Variants in DLG2 observed in about 807,000 individuals in gnomAD.
The protein encoded by DLG2 is discs large MAGUK scaffold protein 2.
A neutral mutation model predicts 132.5 loss-of-function variants in DLG2; 45 were observed. The observed-to-expected ratio is 0.34, with a 90% CI of 0.27 to 0.44. The LOEUF (loss-of-function observed/expected upper bound fraction) is 0.44. Ranked by LOEUF, DLG2 falls within the 20% of genes least tolerant of loss-of-function variation. The pLI is 1.00. For missense variants in DLG2, 1,045 were observed against 1,196.9 expected (o/e 0.87, Z 1.87); for synonymous variants, 424 against 419.6 (o/e 1.01, Z -0.13).
At chr11:85,247,556 G>T (rs2152689229) in intron 4 of DLG2, among the ~76,000 whole-genome samples, 1 of 151,654 alleles carries the variant, frequency 6.6e-6, no homozygotes, top group South Asian at 2.1e-4. Flanking sequence ...CTTGTTATTA[G>T]TAATTGAATA....
chr11:84,372,557 T>C (rs2098710695), intron 7 of DLG2, among the ~76,000 whole-genome samples: 1 of 152,222 alleles, frequency 6.6e-6, no homozygotes, highest in Non-Finnish European at 1.5e-5. Context: ...AATTTGTGGT[T>C]GCTTAGAAAC....
chr11:84,665,935 A>G (rs946829692), intron 6 of DLG2, among the ~76,000 whole-genome samples: 3 of 152,148 alleles, frequency 2.0e-5, no homozygotes, highest in Admixed American at 6.6e-5. Flanking sequence ...TTTATTTTGT[A>G]ACTGAGTTCA....
At chr11:83,786,241 A>T (rs1193283167) in intron 18 of DLG2, among the ~76,000 whole-genome samples, 2 of 152,192 alleles carry the variant, frequency 1.3e-5, no homozygotes, top group East Asian at 1.9e-4. Context: ...AAAGGCAAAA[A>T]AAATGTCAAT....
chr11:84,716,636 A>G (rs1203588227), intron 6 of DLG2, among the ~76,000 whole-genome samples: 4 of 148,558 alleles, frequency 2.7e-5, no homozygotes, highest in African/African-American at 9.9e-5. Flanking sequence ...CTTTTAGAAG[A>G]CCTCCTTCCC....
chr11:83,867,902 C>A (rs1430335079), intron 16 of DLG2, among the ~76,000 whole-genome samples: 1 of 151,730 alleles, frequency 6.6e-6, no homozygotes, highest in Non-Finnish European at 1.5e-5. Context: ...TTAAGCGCTA[C>A]ACATGTAAGG....
chr11:85,609,446 GACAA>G (rs2080832180), intron 2 of DLG2, among the ~76,000 whole-genome samples: 1 of 152,158 alleles, frequency 6.6e-6, no homozygotes, highest in South Asian at 2.1e-4. Context: ...ATGGCCCTCA[GACAA>G]ACAAACTTTG....
rs550764679 is a variant in DLG2, at chr11:84,738,541, T to C, written c.358-203810A>G. ...GACATACACCTCCTATATGTTGCTA[T>C]AAAATTATTATTTTTGAGATATTAA... is the stretch of plus-strand genomic sequence containing the variant. On this transcript the variant is annotated intron_variant, in intron 6 of 27. Coordinates refer to ENST00000376104, the MANE Select transcript of DLG2 (RefSeq NM_001142699.3). 3.9e-5 allele frequency among the ~76,000 whole-genome samples: 6 copies of C among 152,306 alleles called. No homozygotes were observed. In the East Asian group the frequency reaches 1.2e-3, roughly 29 times the overall value.
chr11:84,316,860 A>G (rs940791446), intron 7 of DLG2: 1 of 1,612,816 alleles, frequency 6.2e-7, no homozygotes, highest in Non-Finnish European at 8.5e-7. Flanking sequence ...GGGCAGGTAC[A>G]ATGCTCCCCA....
intron 3 of DLG2, among the ~76,000 whole-genome samples, chr11:85,520,792 G>A (rs980516917): frequency 6.6e-6 from 1 of 152,072 alleles, no homozygotes; most frequent in East Asian, 1.9e-4. Context: ...AAGGGTGCTG[G>A]GAAAGCTGGA....
chr11:83,480,388 A>G (rs753568755), intron 22 of DLG2: 3 of 1,535,382 alleles, frequency 2.0e-6, no homozygotes, highest in Non-Finnish European at 2.6e-6. Context: ...TACTTTCGCT[A>G]TCGCTGGCAT....
Position 84,826,789 on chromosome 11 carries a change from A to G in DLG2, c.357+284872T>C, listed in dbSNP as rs536406978. On this transcript the variant is annotated intron_variant, in intron 6 of 27. Transcript: ENST00000376104. ...CTGCTGCTGCCTTGCCTCTACTCTC[A>G]ATTTTCTTTGGTCCTTCCTCCACAC... Among the ~76,000 whole-genome samples, 368 of 151,888 alleles carry G rather than the reference A, an allele frequency of 2.4e-3. 1 individual carries two copies. The highest frequency in any genetic ancestry group is 8.4e-3 in the African/African-American group (347 of 41,486).
intron 7 of DLG2, among the ~76,000 whole-genome samples, chr11:84,447,690 G>T (rs1014973019): frequency 1.5e-4 from 22 of 151,400 alleles, no homozygotes; most frequent in Non-Finnish European, 1.9e-4. Flanking sequence ...TTTATTTAGA[G>T]AATCTTTCCA....
chr11:84,590,201 A>G (rs2099539481), intron 6 of DLG2, among the ~76,000 whole-genome samples: 1 of 152,182 alleles, frequency 6.6e-6, no homozygotes, highest in Non-Finnish European at 1.5e-5. Context: ...GTGTGTAATG[A>G]ACAGTGTCCA....
chr11:85,394,510 C>A (rs1187431131), intron 3 of DLG2, among the ~76,000 whole-genome samples: 1 of 152,184 alleles, frequency 6.6e-6, no homozygotes, highest in Non-Finnish European at 1.5e-5. Flanking sequence ...CAGGCCCCGA[C>A]CCTGCCAAAA....
At chr11:84,949,485 TC>T (rs1483358939) in intron 6 of DLG2, among the ~76,000 whole-genome samples, 1 of 138,496 alleles carries the variant, frequency 7.2e-6, no homozygotes, top group Non-Finnish European at 1.6e-5. Context: ...GTTTATTTCA[TC>T]CCTGCAGTCT....
At chr11:84,538,598 GT>G (rs113029208) in intron 6 of DLG2, among the ~76,000 whole-genome samples, 9,766 of 146,130 alleles carry the variant, frequency 0.067, 362 homozygotes, top group South Asian at 0.1. Context: ...TACTCCCTAT[GT>G]TTTTTTTTTT....
chr11:85,093,405 GAC>G (rs1594058318), intron 6 of DLG2, among the ~76,000 whole-genome samples: 2 of 151,946 alleles, frequency 1.3e-5, no homozygotes, highest in East Asian at 3.9e-4. Flanking sequence ...AGTACACTCA[GAC>G]TCACACACTA....
chr11:85,152,953 A>G (rs1394841461), intron 5 of DLG2, among the ~76,000 whole-genome samples: 1 of 152,232 alleles, frequency 6.6e-6, no homozygotes, highest in Non-Finnish European at 1.5e-5. Flanking sequence ...CAAAGTATCA[A>G]ACAACTAAAA....
chr11:85,023,657 A>G (rs1028305040), intron 6 of DLG2, among the ~76,000 whole-genome samples: 4 of 152,076 alleles, frequency 2.6e-5, no homozygotes, highest in African/African-American at 9.6e-5. Flanking sequence ...AAACTGTGTA[A>G]TAGAAGTATA....
Sources: allele counts gnomAD v4.1 joint callset (sites outside exome capture counted in the v4.1 genomes callset), GRCh38; gene constraint gnomAD v4.1.1; transcripts MANE v1.5; gene names NCBI Gene and HGNC (gene_info 2026-07-23, HGNC 2026-07-21).